RXFP1: variants seen among roughly 807,000 people sequenced by gnomAD.
The protein encoded by RXFP1 is relaxin receptor 1.
In RXFP1, 73 loss-of-function variants were observed where a neutral mutation model predicts 89.8. That is an observed-to-expected ratio of 0.81 (90% CI 0.67 to 0.99). The LOEUF (loss-of-function observed/expected upper bound fraction) is 0.99. Among genes scored for constraint, RXFP1 ranks in the 50% least tolerant of loss-of-function variants. RXFP1 has a pLI of 0.00. For synonymous variants in RXFP1, 277 were observed against 305.5 expected (o/e 0.91, Z 0.97); for missense variants, 793 against 895.5 (o/e 0.89, Z 1.46).
At chr4:158,601,673 A>C (rs560549840) in intron 4 of RXFP1, among the ~76,000 whole-genome samples, 1 of 152,270 alleles carries the variant, frequency 6.6e-6, no homozygotes, top group South Asian at 2.1e-4. Flanking sequence ...TAAACATCAA[A>C]TTTCATTAGT....
chr4:158,527,585 A>G (rs1579334437), intron 1 of RXFP1, among the ~76,000 whole-genome samples: 2 of 146,982 alleles, frequency 1.4e-5, no homozygotes, highest in Admixed American at 1.4e-4. Flanking sequence ...ATATGTATAT[A>G]TATACTGTTG....
At chr4:158,569,792 A>G (rs1579702591) in intron 1 of RXFP1, among the ~76,000 whole-genome samples, 2 of 152,314 alleles carry the variant, frequency 1.3e-5, no homozygotes, top group South Asian at 2.1e-4. Context: ...TTTGTTTACA[A>G]TGAGTGTTCT....
intron 6 of RXFP1, among the ~76,000 whole-genome samples, chr4:158,608,279 CTTTTTTT>C (rs756131500): frequency 2.5e-4 from 19 of 76,092 alleles, no homozygotes; most frequent in African/African-American, 7.8e-4. Context: ...GTATTCCTTT[CTTTTTTT>C]TTTTTTTTTT....
At chr4:158,562,573 G>A (rs1391710677) in intron 1 of RXFP1, among the ~76,000 whole-genome samples, 5 of 127,722 alleles carry the variant, frequency 3.9e-5, no homozygotes, top group Admixed American at 2.4e-4. Flanking sequence ...ATTAAGGGGA[G>A]AATTTTATCA....
At chr4:158,554,963 T>TA (rs1376237906) in intron 1 of RXFP1, among the ~76,000 whole-genome samples, 1 of 152,148 alleles carries the variant, frequency 6.6e-6, no homozygotes, top group African/African-American at 2.4e-5. Context: ...CACAATACTT[T>TA]AAAAAAATAA....
chr4:158,579,790 A>G (rs919935834), intron 2 of RXFP1, among the ~76,000 whole-genome samples: 1 of 152,224 alleles, frequency 6.6e-6, no homozygotes, highest in South Asian at 2.1e-4. Flanking sequence ...GCATAATTGT[A>G]TGTGGTATAA....
chr4:158,544,596 C>T (rs76931390), intron 1 of RXFP1, among the ~76,000 whole-genome samples: 1 of 152,018 alleles, frequency 6.6e-6, no homozygotes. Context: ...TATCCCTCCC[C>T]CTACCCCTAC....
At chr4:158,568,227 G>A (rs1460181333) in intron 1 of RXFP1, among the ~76,000 whole-genome samples, 3 of 152,308 alleles carry the variant, frequency 2.0e-5, no homozygotes, top group South Asian at 2.1e-4. Context: ...CACTCAACGC[G>A]AGGGTCTGCG....
chr4:158,628,153 G>A (rs1767275043), intron 10 of RXFP1, among the ~76,000 whole-genome samples: 1 of 152,178 alleles, frequency 6.6e-6, no homozygotes, highest in African/African-American at 2.4e-5. Context: ...GAGTTAAACA[G>A]ACTGATTCAG....
intron 17 of RXFP1, among the ~76,000 whole-genome samples, chr4:158,649,647 T>C (rs192382601): frequency 1.3e-5 from 2 of 152,218 alleles, no homozygotes; most frequent in African/African-American, 4.8e-5. Context: ...ATAAACAATG[T>C]GCATTACATC....
intron 7 of RXFP1, 34 bp downstream of exon 7, chr4:158,612,235 A>C (rs755629137): frequency 3.1e-6 from 5 of 1,603,300 alleles, no homozygotes; most frequent in East Asian, 4.5e-5. Context: ...TTATTGCACT[A>C]GTTTTTAGAT....
At chr4:158,617,235 T>C (rs1349775975) in intron 9 of RXFP1, 30 bp downstream of exon 9, 5 of 1,528,022 alleles carry the variant, frequency 3.3e-6, no homozygotes, top group Non-Finnish European at 4.5e-6. Flanking sequence ...TTTAAAGAAC[T>C]CAACTAAATT....
chr4:158,625,019 G>T (rs919208123), intron 9 of RXFP1, among the ~76,000 whole-genome samples: 1 of 152,016 alleles, frequency 6.6e-6, no homozygotes, highest in African/African-American at 2.4e-5. Context: ...AAACAGTTAC[G>T]TAAGTAACTA....
chr4:158,624,035 G>T (rs77724338), intron 9 of RXFP1, among the ~76,000 whole-genome samples: 1,530 of 152,156 alleles, frequency 0.01, 24 homozygotes, highest in African/African-American at 0.034. Context: ...TGCTATTATA[G>T]ATGGGTCTCT....
intron 1 of RXFP1, among the ~76,000 whole-genome samples, chr4:158,535,439 A>T (rs528862181): frequency 6.6e-6 from 1 of 152,226 alleles, no homozygotes; most frequent in Admixed American, 6.5e-5. Context: ...GGGCGTGGCC[A>T]TTGCACTTGA....
chr4:158,567,585 C>T (rs1004136150), intron 1 of RXFP1, among the ~76,000 whole-genome samples: 17 of 152,064 alleles, frequency 1.1e-4, no homozygotes, highest in Non-Finnish European at 2.2e-4. Flanking sequence ...ATGCACCGAT[C>T]GGCACTCTGT....
chr4:158,639,473 A>T, intron 14 of RXFP1, 142 bp downstream of exon 14: 1 of 610,024 alleles, frequency 1.6e-6, no homozygotes, highest in South Asian at 1.9e-5. Flanking sequence ...AAATGTATAT[A>T]TTGAAATACT....
chr4:158,546,433 G>A (rs934749342), intron 1 of RXFP1, among the ~76,000 whole-genome samples: 28 of 152,022 alleles, frequency 1.8e-4, no homozygotes, highest in African/African-American at 5.3e-4. Flanking sequence ...CTAATTGAAT[G>A]CCCTTTATTT....
At chr4:158,524,172 C>T (rs752970107) in intron 1 of RXFP1, among the ~76,000 whole-genome samples, 28 of 152,100 alleles carry the variant, frequency 1.8e-4, no homozygotes, top group Non-Finnish European at 4.4e-5. Flanking sequence ...ATTAAGCACA[C>T]GAGGTAGGAC....
Sources: allele counts gnomAD v4.1 joint callset (sites outside exome capture counted in the v4.1 genomes callset), GRCh38; gene constraint gnomAD v4.1.1; transcripts MANE v1.5; gene names NCBI Gene and HGNC (gene_info 2026-07-23, HGNC 2026-07-21).